CCDC80: variants seen among roughly 807,000 people sequenced by gnomAD.
The protein encoded by CCDC80 is coiled-coil domain-containing protein 80.
In CCDC80, 49 loss-of-function variants were observed where a neutral mutation model predicts 78.7. The ratio of observed to expected loss-of-function variants is 0.62; its 90% CI spans 0.50 to 0.79. The LOEUF (loss-of-function observed/expected upper bound fraction) is 0.79. CCDC80 is among the 30% of genes least tolerant of loss of function. CCDC80 has a pLI of 0.00. For missense variants in CCDC80, 1,205 were observed against 1,198.6 expected (o/e 1.01, Z -0.08); for synonymous variants, 488 against 447.0 (o/e 1.09, Z -1.16).
chr3:112,615,100 G>A (rs1166282243), intron 5 of CCDC80, among the ~76,000 whole-genome samples: 1 of 152,168 alleles, frequency 6.6e-6, no homozygotes, highest in African/African-American at 2.4e-5. Flanking sequence ...GATTTTTGAG[G>A]CAGGTTAATT....
At chr3:112,614,872 CTTAA>C (rs1258582496) in intron 5 of CCDC80, among the ~76,000 whole-genome samples, 1 of 152,216 alleles carries the variant, frequency 6.6e-6, no homozygotes, top group Non-Finnish European at 1.5e-5. Flanking sequence ...GAGAAAGTTA[CTTAA>C]TCTCCATTGG....
chr3:112,618,393 G>A (rs890377282), intron 4 of CCDC80, among the ~76,000 whole-genome samples: 2 of 152,016 alleles, frequency 1.3e-5, no homozygotes, highest in Admixed American at 6.6e-5. Context: ...GTGTGGTGGC[G>A]GGTGCTTACT....
intron 3 of CCDC80, among the ~76,000 whole-genome samples, chr3:112,625,803 C>G (rs1935957801): frequency 1.3e-5 from 2 of 152,002 alleles, no homozygotes; most frequent in Admixed American, 6.5e-5. Flanking sequence ...AGGAAGGATA[C>G]AAGACTTGTC....
At chr3:112,626,926 T>C (rs765447281) in intron 3 of CCDC80, among the ~76,000 whole-genome samples, 9 of 152,188 alleles carry the variant, frequency 5.9e-5, no homozygotes, top group Non-Finnish European at 1.0e-4. Flanking sequence ...CTTGTTGCCA[T>C]ATTCCACCTC....
chr3:112,632,260 C>A (rs1936114039), intron 2 of CCDC80, among the ~76,000 whole-genome samples: 5 of 151,776 alleles, frequency 3.3e-5, no homozygotes, highest in Admixed American at 2.0e-4. Flanking sequence ...CAAAACCACA[C>A]TATTCTGAAA....
In CCDC80 at chr3:112,639,479, C is replaced by T. The variant is rs758674045; in HGVS notation, c.427G>A (p.Ala143Thr). The T allele has an allele frequency of 6.2e-7, 1 of 1,614,196 alleles. No individual in the cohort carries two copies. Among genetic ancestry groups the T allele is most frequent in the Non-Finnish European group, 8.5e-7 (1 of 1,180,050 alleles). Reference protein sequence around the residue: ...PSGSSSPNILASFAGKNRVWV... With the variant: ...PSGSSSPNILTSFAGKNRVWV... ...ACTCTGTTCTTCCCTGCAAAGCTGGCAAGGATGTTGGGAGAGCTGGACCCC... is the reference window on the plus strand; with the variant it reads ...ACTCTGTTCTTCCCTGCAAAGCTGGTAAGGATGTTGGGAGAGCTGGACCCC... Residue 143 changes from alanine (A) to threonine (T), a missense_variant, in exon 2 of 8, where the codon GCC (alanine) becomes ACC (threonine). Ala to Thr is a moderately conservative substitution (Grantham distance 58, BLOSUM62 0). Transcript: ENST00000206423.
At position 112,599,214 on chromosome 3, in the gene CCDC80, C is replaced by T. The variant is rs566380737; in HGVS notation, c.*6203G>A. The T allele has an allele frequency of 6.6e-6, 1 of 152,216 alleles. No individual in the cohort carries two copies. The allele number at this position is 152,216 out of a possible 1,614,324, so 9.4% of individuals were successfully genotyped here. A position where few individuals can be genotyped will look rare whatever the true frequency, so the allele number is the denominator to read the frequency against. On this transcript the variant is annotated 3_prime_UTR_variant, in exon 8 of 8. Transcript: ENST00000206423. ...GGACAGGCACCCAGTTTTCCCAAGTCCAGTGGCCTTTTCATGATACCCATT... is the reference window on the plus strand; with the variant it reads ...GGACAGGCACCCAGTTTTCCCAAGTTCAGTGGCCTTTTCATGATACCCATT...
intron 2 of CCDC80, among the ~76,000 whole-genome samples, chr3:112,631,455 G>T (rs1448933962): frequency 2.6e-5 from 4 of 152,200 alleles, no homozygotes; most frequent in Non-Finnish European, 4.4e-5. Flanking sequence ...TCATCACTAA[G>T]CTCAGAAGCA....
rs528470428 is a variant in CCDC80, at chr3:112,598,668, G to A, written c.*6749C>T. The stretch of plus-strand genomic sequence containing the variant: ...GGTCTGCTCAGGGGCTGCCCAGTTT[G>A]TCCAAGCTTTAGGATATTAGAGAGA... On this transcript the variant is annotated 3_prime_UTR_variant, in exon 8 of 8. Coordinates refer to ENST00000206423, the MANE Select transcript of CCDC80 (RefSeq NM_199511.3). 6.6e-6 allele frequency: 1 copy of A among 152,336 alleles called. No homozygotes were observed. Among genetic ancestry groups the A allele is most frequent in the East Asian group, 1.9e-4 (1 of 5,180 alleles). The allele number at this position is 152,336 out of a possible 1,614,324, so 9.4% of individuals were successfully genotyped here.
rs1935459134 is a variant in CCDC80, at chr3:112,605,357, C to G, written c.*60G>C. Reference sequence around the variant, plus strand: ...CGCAGTGTGGAAGAATGGAGCTGGCCACATGTAGTTTTAGCAGCTGCAGAG... The same window carrying G: ...CGCAGTGTGGAAGAATGGAGCTGGCGACATGTAGTTTTAGCAGCTGCAGAG... On this transcript the variant is annotated 3_prime_UTR_variant, in exon 8 of 8. Coordinates refer to ENST00000206423, the MANE Select transcript of CCDC80 (RefSeq NM_199511.3). 1.7e-6 allele frequency: 2 copies of G among 1,171,636 alleles called. No individual in the cohort carries two copies. The highest frequency in any genetic ancestry group is 4.7e-5 in the East Asian group (2 of 42,414). The allele number at this position is 1,171,636 out of a possible 1,614,324, so 72.6% of individuals were successfully genotyped here.
At chr3:112,626,956 C>A (rs774426099) in intron 3 of CCDC80, among the ~76,000 whole-genome samples, 8 of 152,156 alleles carry the variant, frequency 5.3e-5, no homozygotes, top group Non-Finnish European at 7.3e-5. Context: ...TGCTACCTCT[C>A]TTGATTACCC....
Position 112,601,272 on chromosome 3 carries a change from G to A in CCDC80, c.*4145C>T, listed in dbSNP as rs961046020. The A allele has an allele frequency of 6.6e-6, 1 of 152,154 alleles. No homozygotes were observed. The highest frequency in any genetic ancestry group is 1.5e-5 in the Non-Finnish European group (1 of 68,032). 9.4% of individuals were successfully genotyped at this position (152,154 alleles called of 1,614,324 possible). A position where few individuals can be genotyped will look rare whatever the true frequency, so the allele number is the denominator to read the frequency against. On this transcript the variant is annotated 3_prime_UTR_variant, in exon 8 of 8. Coordinates refer to ENST00000206423, the MANE Select transcript of CCDC80 (RefSeq NM_199511.3). ...AAAGAAAAATCTGAACATACAGTAG[G>A]CACAGATAAACCTATAGCAAATATT...
rs1291637053 is a variant in CCDC80 at position 112,601,119 on chromosome 3, T to A, written c.*4298A>T. 1 of 152,132 alleles carries A rather than the reference T, an allele frequency of 6.6e-6. No homozygotes were observed. Among genetic ancestry groups the A allele is most frequent in the Non-Finnish European group, 1.5e-5 (1 of 68,024 alleles). The allele number at this position is 152,132 out of a possible 1,614,324, so 9.4% of individuals were successfully genotyped here. A position where few individuals can be genotyped will look rare whatever the true frequency, so the allele number is the denominator to read the frequency against. On this transcript the variant is annotated 3_prime_UTR_variant, in exon 8 of 8. Coordinates refer to ENST00000206423, the MANE Select transcript of CCDC80 (RefSeq NM_199511.3). ...GTCACTTGAGCTTTCTGGAGCTCAG[T>A]TACCTGTAAAACAAGGAAGAATGAA...
At chr3:112,611,061 G>C (rs545202652) in intron 5 of CCDC80, among the ~76,000 whole-genome samples, 26 of 151,752 alleles carry the variant, frequency 1.7e-4, no homozygotes, top group African/African-American at 6.0e-4. Flanking sequence ...CTACAGGCGC[G>C]TGCCACCACA....
chr3:112,636,361 T>C (rs1936208198), intron 2 of CCDC80, among the ~76,000 whole-genome samples: 2 of 152,200 alleles, frequency 1.3e-5, no homozygotes, highest in Non-Finnish European at 1.5e-5. Flanking sequence ...CAAGTTTATA[T>C]AGACACATTA....
At chr3:112,616,445 AAAAG>A (rs1935748096) in intron 5 of CCDC80, among the ~76,000 whole-genome samples, 1 of 84,524 alleles carries the variant, frequency 1.2e-5, no homozygotes, top group African/African-American at 1.0e-4. Flanking sequence ...AAAAAAAAAG[AAAAG>A]AAAAAAAAAA....
rs1286705687 is a variant in CCDC80, at chr3:112,630,015, T to C, written c.2035+98A>G. 6 of 1,152,640 alleles carry C rather than the reference T, an allele frequency of 5.2e-6. No individual in the cohort carries two copies. In the Admixed American group the frequency reaches 1.2e-4, roughly 24 times the overall value. The allele number at this position is 1,152,640 out of a possible 1,614,324, so 71.4% of individuals were successfully genotyped here. ...ACAACCAAAGAGCCCTCTGAACATCTTCATTTTCTTTTGGATCCCCCATGT... is the reference window on the plus strand; with the variant it reads ...ACAACCAAAGAGCCCTCTGAACATCCTCATTTTCTTTTGGATCCCCCATGT... On this transcript the variant is annotated intron_variant, in intron 3 of 7. Coordinates refer to ENST00000206423, the MANE Select transcript of CCDC80 (RefSeq NM_199511.3).
rs1427407000 is a variant in CCDC80 at position 112,597,428 on chromosome 3, G to A, written c.*7989C>T. 1 of 152,130 alleles carries A rather than the reference G, an allele frequency of 6.6e-6. No individual in the cohort carries two copies. Among genetic ancestry groups the A allele is most frequent in the Non-Finnish European group, 1.5e-5 (1 of 68,026 alleles). The allele number at this position is 152,130 out of a possible 1,614,324, so 9.4% of individuals were successfully genotyped here. On this transcript the variant is annotated 3_prime_UTR_variant, in exon 8 of 8. Coordinates refer to ENST00000206423, the MANE Select transcript of CCDC80 (RefSeq NM_199511.3). Reference sequence around the variant, plus strand: ...CTTCTTCACGTTGGAATGGTGAATAGGTACACATTTCTCAAAGCTCAAAGT... The same window carrying A: ...CTTCTTCACGTTGGAATGGTGAATAAGTACACATTTCTCAAAGCTCAAAGT...
intron 3 of CCDC80, among the ~76,000 whole-genome samples, chr3:112,627,020 A>C (rs1935989926): frequency 6.6e-6 from 1 of 152,178 alleles, no homozygotes; most frequent in South Asian, 2.1e-4. Flanking sequence ...TTGCCCTATT[A>C]AATGTCCTGT....
Sources: gnomAD v4.1 joint callset for allele counts (sites outside exome capture counted in the v4.1 genomes callset) on GRCh38, gnomAD v4.1.1 for gene constraint, MANE v1.5 for transcripts, NCBI Gene and HGNC (gene_info 2026-07-23, HGNC 2026-07-21) for gene names.